TBCD: variants seen among roughly 807,000 people sequenced by gnomAD.
TBCD encodes the protein tubulin folding cofactor D.
A neutral mutation model predicts 169.3 loss-of-function variants in TBCD; 105 were observed. That is an observed-to-expected ratio of 0.62 (90% CI 0.53 to 0.73). TBCD has a LOEUF of 0.73. Ranked by LOEUF, TBCD falls within the 30% of genes least tolerant of loss-of-function variation. The pLI, the probability that TBCD is intolerant of heterozygous loss-of-function variation, is 0.00. For missense variants in TBCD, 1,444 were observed against 1,600.1 expected, an observed-to-expected ratio of 0.90 and a Z score of 1.66; for synonymous variants, 700 against 643.9, an observed-to-expected ratio of 1.09 and a Z score of -1.32.
chr17:82,913,954 C>G (rs2060846392), intron 23 of TBCD: 1 of 152,280 alleles, frequency 6.6e-6, no homozygotes, highest in Non-Finnish European at 1.5e-5. Context: ...CGTGCCCTCC[C>G]TGGGCGTGAG....
chr17:82,841,465 G>A (rs898486800), intron 13 of TBCD, among the ~76,000 whole-genome samples: 2 of 152,008 alleles, frequency 1.3e-5, no homozygotes, highest in African/African-American at 4.8e-5. Flanking sequence ...CTACAGGCAC[G>A]GTCACTATGC....
In TBCD at chr17:82,766,299, T is replaced by G; in HGVS notation, c.366T>G (p.Phe122Leu). 6.2e-7 allele frequency: 1 copy of G among 1,613,130 alleles called. No homozygotes were observed. Among genetic ancestry groups the G allele is most frequent in the Non-Finnish European group, 8.5e-7 (1 of 1,179,540 alleles). The change falls in exon 4 of 39, where the codon TTT becomes TTG. Residue 122 changes from phenylalanine (F) to leucine (L), a missense_variant. Physicochemically the swap from Phe to Leu is conservative, Grantham distance 22. Coordinates refer to ENST00000355528, the MANE Select transcript of TBCD (RefSeq NM_005993.5). ...VRGYKTFLRL[F>L]PHEVADVEPV... ...GCTATAAAACATTTCTTCGTTTATTTCCTCATGAAGTTGCCGATGTAGAGC... is the reference window on the plus strand; with the variant it reads ...GCTATAAAACATTTCTTCGTTTATTGCCTCATGAAGTTGCCGATGTAGAGC...
intron 22 of TBCD, among the ~76,000 whole-genome samples, chr17:82,910,402 G>A (rs1442207740): frequency 6.6e-6 from 1 of 152,190 alleles, no homozygotes; most frequent in African/African-American, 2.4e-5. Flanking sequence ...CTTTCGTGAA[G>A]TTTTTTGCTC....
intron 1 of TBCD, among the ~76,000 whole-genome samples, chr17:82,755,808 G>C (rs1011918780): frequency 2.6e-5 from 4 of 152,232 alleles, no homozygotes; most frequent in African/African-American, 9.6e-5. Context: ...CACAAGGACA[G>C]AGTTGAGCTT....
In TBCD at chr17:82,782,895, TGTCTTCCTGTCTGCGGTGTC is replaced by T. The variant is rs2049044078; in HGVS notation, c.771+1186_771+1205del. On this transcript the variant is annotated intron_variant, in intron 7 of 38. Transcript: ENST00000355528. This position sits in a 1 kb window ranked among gnomAD's most constrained non-coding sequence, Gnocchi z 5.1. ...AGTGTTGTCTTCCTGTCCATGGCGT[TGTCTTCCTGTCTGCGGTGTC>T]GTCTTCCTGTCCATGGCGGCCTCCT... Among the ~76,000 whole-genome samples the T allele has an allele frequency of 4.6e-5, 7 of 150,760 alleles. No individual in the cohort carries two copies. Among genetic ancestry groups the T allele is most frequent in the Admixed American group, 4.6e-4 (7 of 15,170 alleles).
intron 22 of TBCD, 134 bp downstream of exon 22, chr17:82,909,441 G>A (rs995949852): frequency 6.9e-6 from 4 of 578,062 alleles, no homozygotes; most frequent in East Asian, 5.7e-5. Flanking sequence ...GGTGTCACCC[G>A]GCCCGCTGTG....
At chr17:82,911,723 G>A (rs116750381) in intron 22 of TBCD, 35 bp from the exon 23 acceptor site, 1 of 1,609,886 alleles carries the variant, frequency 6.2e-7, no homozygotes, top group African/African-American at 1.3e-5. Context: ...ACGTCAAGAG[G>A]TTCTTCTAAT....
chr17:82,904,530 T>G (rs901515336), intron 19 of TBCD, among the ~76,000 whole-genome samples: 6 of 152,254 alleles, frequency 3.9e-5, no homozygotes, highest in Admixed American at 3.3e-4. Flanking sequence ...CTTCTTACAC[T>G]TCATCAGTGA....
rs376695036 is a variant in TBCD, at chr17:82,930,724, C to T, written c.3113+81C>T. The T allele has an allele frequency of 2.9e-5, 47 of 1,594,938 alleles. No individual in the cohort carries two copies. Among genetic ancestry groups the T allele is most frequent in the East Asian group, 2.0e-4 (9 of 44,728 alleles). ...ACGTTCCCACAGATTCCCGGGGTCTCGCAGGGTCTGTCTGGGGTCTGAAGG... is the reference window on the plus strand; with the variant it reads ...ACGTTCCCACAGATTCCCGGGGTCTTGCAGGGTCTGTCTGGGGTCTGAAGG... On this transcript the variant is annotated intron_variant, in intron 33 of 38. Transcript: ENST00000355528. The surrounding 1 kb of genome is among the most constrained non-coding windows in gnomAD (Gnocchi z 5.2).
Position 82,890,583 on chromosome 17 carries a change from C to T in TBCD, c.1563+886C>T, listed in dbSNP as rs1021320424. The stretch of plus-strand genomic sequence containing the variant: ...AGAGTCAGCTGGAGAGGCGGGCGGA[C>T]GAGGACTTGCGCCTGTTATTGAAAT... On this transcript the variant is annotated intron_variant, in intron 16 of 38. Coordinates refer to ENST00000355528, the MANE Select transcript of TBCD (RefSeq NM_005993.5). The surrounding 1 kb of genome is among the most constrained non-coding windows in gnomAD (Gnocchi z 5.3). 2.0e-5 allele frequency among the ~76,000 whole-genome samples: 3 copies of T among 152,138 alleles called. No individual in the cohort carries two copies. The highest frequency in any genetic ancestry group is 7.2e-5 in the African/African-American group (3 of 41,508).
intron 13 of TBCD, among the ~76,000 whole-genome samples, chr17:82,840,955 T>TTTTTG (rs1567869515): frequency 4.6e-5 from 1 of 21,864 alleles, no homozygotes; most frequent in East Asian, 1.5e-3. Flanking sequence ...GACAAACTGG[T>TTTTTG]TTTTTTTTTT....
chr17:82,880,541 C>T lies in TBCD; in HGVS notation c.1476-3604C>T, dbSNP rs985348479. Among the ~76,000 whole-genome samples, 11 of 152,338 alleles carry T rather than the reference C, an allele frequency of 7.2e-5. No homozygotes were observed. Among genetic ancestry groups the T allele is most frequent in the East Asian group, 3.8e-4 (2 of 5,196 alleles). ...GGGCTTATGACTTTGTTGTTGTTTACGTGGAGGAACTGAAAGACCTGGGTG... is the reference window on the plus strand; with the variant it reads ...GGGCTTATGACTTTGTTGTTGTTTATGTGGAGGAACTGAAAGACCTGGGTG... On this transcript the variant is annotated intron_variant, in intron 14 of 38. Coordinates refer to ENST00000355528, the MANE Select transcript of TBCD (RefSeq NM_005993.5). This position sits in a 1 kb window ranked among gnomAD's most constrained non-coding sequence, Gnocchi z 5.0.
chr17:82,912,698 G>A (rs548896654), intron 23 of TBCD, among the ~76,000 whole-genome samples: 51 of 152,360 alleles, frequency 3.3e-4, no homozygotes, highest in Non-Finnish European at 5.3e-4. Flanking sequence ...GGGAACCCAC[G>A]GCCGGATGTC....
Position 82,831,086 on chromosome 17 carries a change from G to C in TBCD, c.1318+16152G>C, listed in dbSNP as rs891225222. 17 of 1,614,200 alleles carry C rather than the reference G, an allele frequency of 1.1e-5. No individual in the cohort carries two copies. The East Asian group carries it at 3.6e-4, about 34-fold the overall frequency. On this transcript the variant is annotated intron_variant, in intron 13 of 38. Transcript: ENST00000355528. The surrounding 1 kb of genome is among the most constrained non-coding windows in gnomAD (Gnocchi z 4.6). ...AGGCATTCTGTGCTTTTCTTAACAG[G>C]CCTGAAGGCTGTGAGGCTTTGCTCT...
At chr17:82,760,402 C>A (rs2047691992) in intron 2 of TBCD, among the ~76,000 whole-genome samples, 1 of 152,158 alleles carries the variant, frequency 6.6e-6, no homozygotes, top group Non-Finnish European at 1.5e-5. Context: ...TTATTCACAT[C>A]TTTTGTGTTC....
At chr17:82,896,519 G>A (rs560237118) in intron 17 of TBCD, among the ~76,000 whole-genome samples, 1 of 143,352 alleles carries the variant, frequency 7.0e-6, no homozygotes, top group Non-Finnish European at 1.5e-5. Context: ...AGGCTGGAGT[G>A]TGGTGGCGCA....
In TBCD at chr17:82,874,888, T is replaced by C. The variant is rs2057858698; in HGVS notation, c.1475+4508T>C. On this transcript the variant is annotated intron_variant, in intron 14 of 38. Coordinates refer to ENST00000355528, the MANE Select transcript of TBCD (RefSeq NM_005993.5). This position sits in a 1 kb window ranked among gnomAD's most constrained non-coding sequence, Gnocchi z 5.0. ...GAACGTGATACAATCTTGATTTCTC[T>C]AACTTTCACAAGTTCTTCGGTGGGT... Among the ~76,000 whole-genome samples the C allele has an allele frequency of 6.6e-6, 1 of 152,246 alleles. No individual in the cohort carries two copies. Among genetic ancestry groups the C allele is most frequent in the Non-Finnish European group, 1.5e-5 (1 of 68,036 alleles).
intron 2 of TBCD, among the ~76,000 whole-genome samples, chr17:82,757,637 C>A (rs185399698): frequency 0.029 from 4,161 of 143,638 alleles, 84 homozygotes; most frequent in African/African-American, 0.063. Context: ...AAAAAAAAAA[C>A]CAAAAAAAAC....
At chr17:82,781,904 G>A (rs936580909) in intron 7 of TBCD, among the ~76,000 whole-genome samples, 183 bp downstream of exon 7, 2 of 152,224 alleles carry the variant, frequency 1.3e-5, no homozygotes, top group African/African-American at 2.4e-5. Flanking sequence ...CTCAGGCAGG[G>A]CTGGTTTCTG....
Sources: allele counts gnomAD v4.1 joint callset (sites outside exome capture counted in the v4.1 genomes callset), GRCh38; gene constraint gnomAD v4.1.1; non-coding constraint Gnocchi (gnomAD v3.1); transcripts MANE v1.5; gene names NCBI Gene and HGNC (gene_info 2026-07-23, HGNC 2026-07-21).